Variants in KDM7A observed in about 807,000 individuals in gnomAD.
KDM7A encodes lysine demethylase 7A, also known as lysine-specific demethylase 7A.
In KDM7A, 28 loss-of-function variants were observed where a neutral mutation model predicts 114.8. That is an observed-to-expected ratio of 0.24 (90% CI 0.18 to 0.33). The LOEUF (loss-of-function observed/expected upper bound fraction) is 0.33, where lower values mean the gene tolerates loss of function less well. KDM7A is among the 10% of genes least tolerant of loss of function. The pLI, the probability that KDM7A is intolerant of heterozygous loss-of-function variation, is 1.00. For missense variants in KDM7A, 942 were observed against 1,142.5 expected (o/e 0.82, Z 2.53); for synonymous variants, 423 against 397.8 (o/e 1.06, Z -0.75).
chr7:140,120,565 T>C (rs772988659), intron 7 of KDM7A, 36 bp from the exon 8 acceptor site: 14 of 1,247,968 alleles, frequency 1.1e-5, no homozygotes, highest in Non-Finnish European at 1.2e-6. Flanking sequence ...CAGTCATTTT[T>C]CAATATGTAA....
At position 140,085,195 on chromosome 7, in the gene KDM7A, A is replaced by G. The variant is rs1013333913; in HGVS notation, c.*5899T>C. On this transcript the variant is annotated 3_prime_UTR_variant, in exon 20 of 20. Coordinates refer to ENST00000397560, the MANE Select transcript of KDM7A (RefSeq NM_030647.2). ...ACACACATTGACTGCCTATACAAAC[A>G]AGACGAGACGCTATTCCGCAGACAC... is the stretch of plus-strand genomic sequence containing the variant. 3 of 151,598 alleles carry G rather than the reference A, an allele frequency of 2.0e-5. No individual in the cohort carries two copies. Among genetic ancestry groups the G allele is most frequent in the Non-Finnish European group, 4.4e-5 (3 of 67,930 alleles). The allele number at this position is 151,598 out of a possible 1,614,324, so 9.4% of individuals were successfully genotyped here.
chr7:140,165,131 CAAAACACAGGTTAG>C (rs1794560052), intron 1 of KDM7A, among the ~76,000 whole-genome samples: 1 of 152,136 alleles, frequency 6.6e-6, no homozygotes, highest in African/African-American at 2.4e-5. Flanking sequence ...CTGGGGTTCA[CAAAACACAGGTTAG>C]AAAATGCTGC....
intron 9 of KDM7A, among the ~76,000 whole-genome samples, chr7:140,118,475 CAATGCAACCTCT>C: frequency 6.6e-6 from 1 of 151,858 alleles, no homozygotes; most frequent in Middle Eastern, 3.4e-3. Context: ...GATCTCGGCT[CAATGCAACCTCT>C]GCCTCCCGCC....
intron 8 of KDM7A, among the ~76,000 whole-genome samples, chr7:140,119,812 G>A (rs1025956859): frequency 2.6e-5 from 4 of 152,210 alleles, no homozygotes; most frequent in African/African-American, 7.2e-5. Context: ...ATCTCTATGA[G>A]TGTGCCAAGT....
At chr7:140,112,504 G>A (rs577439946) in intron 10 of KDM7A, among the ~76,000 whole-genome samples, 44 of 152,026 alleles carry the variant, frequency 2.9e-4, no homozygotes, top group Admixed American at 2.0e-4. Flanking sequence ...CCAACTACTC[G>A]GGAGGCTGAG....
chr7:140,147,149 A>AG (rs1794347898), intron 1 of KDM7A, among the ~76,000 whole-genome samples: 1 of 146,694 alleles, frequency 6.8e-6, no homozygotes, highest in Non-Finnish European at 1.5e-5. Flanking sequence ...AAAGGGTAGG[A>AG]AAAAAAAAAA....
chr7:140,169,843 TTA>T (rs1474864861), intron 1 of KDM7A, among the ~76,000 whole-genome samples: 1 of 152,190 alleles, frequency 6.6e-6, no homozygotes, highest in Non-Finnish European at 1.5e-5. Flanking sequence ...TTTAAAAAGC[TTA>T]TGAGAGAACT....
chr7:140,175,610 C>T, intron 1 of KDM7A, among the ~76,000 whole-genome samples: 1 of 152,226 alleles, frequency 6.6e-6, no homozygotes, highest in African/African-American at 2.4e-5. Flanking sequence ...GAATCCCTCC[C>T]ACGCCGGAGT....
rs148582665 is a variant in KDM7A at position 140,159,295 on chromosome 7, C to T, written c.194+17449G>A. On this transcript the variant is annotated intron_variant, in intron 1 of 19. Coordinates refer to ENST00000397560, the MANE Select transcript of KDM7A (RefSeq NM_030647.2). ...CCGGGAGGTGGAGATTGCAGTGAGC[C>T]GAGTTCATGCCGCTGCACTCCAGCC... is the stretch of plus-strand genomic sequence containing the variant. 4.4e-3 allele frequency among the ~76,000 whole-genome samples: 662 copies of T among 151,988 alleles called. 6 individuals are homozygous for T. Among genetic ancestry groups the T allele is most frequent in the African/African-American group, 0.015 (611 of 41,458 alleles).
chr7:140,170,683 G>A (rs1794628847), intron 1 of KDM7A, among the ~76,000 whole-genome samples: 1 of 152,192 alleles, frequency 6.6e-6, no homozygotes. Context: ...ACAGTGCCTA[G>A]CACTTTGTAA....
chr7:140,109,680 G>C (rs532949328), intron 11 of KDM7A, among the ~76,000 whole-genome samples: 1 of 152,262 alleles, frequency 6.6e-6, no homozygotes, highest in South Asian at 2.1e-4. Flanking sequence ...ACTGTTTTCA[G>C]CTTCAGATAT....
rs1562941259 is a variant in KDM7A at position 140,086,039 on chromosome 7, GA to G, written c.*5054del. ...CTTGGAGGAAAACAGCTGACATTTT[GA>G]AAAAGAAATGGCCAAAATGAAACTG... On this transcript the variant is annotated 3_prime_UTR_variant, in exon 20 of 20. Transcript: ENST00000397560. The G allele has an allele frequency of 6.6e-6, 1 of 152,120 alleles. No individual in the cohort carries two copies. The highest frequency in any genetic ancestry group is 1.5e-5 in the Non-Finnish European group (1 of 68,002). The allele number at this position is 152,120 out of a possible 1,614,324, so 9.4% of individuals were successfully genotyped here.
intron 11 of KDM7A, 117 bp downstream of exon 11, chr7:140,110,978 A>G (rs921375698): frequency 9.0e-6 from 5 of 553,082 alleles, no homozygotes; most frequent in African/African-American, 5.7e-5. Context: ...GACTCAGCTC[A>G]TTATATTTCT....
chr7:140,128,679 G>T (rs756852430), intron 4 of KDM7A, among the ~76,000 whole-genome samples: 42 of 152,160 alleles, frequency 2.8e-4, no homozygotes, highest in Non-Finnish European at 1.0e-4. Flanking sequence ...TAATCAATGA[G>T]AATTGTCAAC....
At position 140,100,022 on chromosome 7, in the gene KDM7A, T is replaced by C; in HGVS notation, c.1640A>G (p.Asp547Gly). 2 of 1,614,116 alleles carry C rather than the reference T, an allele frequency of 1.2e-6. No individual in the cohort carries two copies. The highest frequency in any genetic ancestry group is 2.7e-5 in the African/African-American group (2 of 75,056). Residue 547 changes from aspartate (D) to glycine (G), a missense_variant and splice_region_variant, in exon 13 of 20, where the codon GAC (aspartate) becomes GGC (glycine). Around this residue, in one of 4 missense-constraint regions of KDM7A, gnomAD observed 512 missense variants for 576.6 expected, o/e 0.89. Coordinates refer to ENST00000397560, the MANE Select transcript of KDM7A (RefSeq NM_030647.2). Reference sequence around the variant, plus strand: ...TCCATTCAGTTTAGAGCTCAAGATGTCCTGAAGGTATAAATGCAGAACTTA... The same window carrying C: ...TCCATTCAGTTTAGAGCTCAAGATGCCCTGAAGGTATAAATGCAGAACTTA... ...KRLEMCPWEE[D>G]ILSSKLNGKF...
intron 9 of KDM7A, among the ~76,000 whole-genome samples, chr7:140,115,818 A>C (rs956299000): frequency 1.6e-5 from 2 of 126,556 alleles, no homozygotes; most frequent in Non-Finnish European, 3.4e-5. Context: ...AAAAATAAAT[A>C]AATAAAAAAA....
At position 140,091,196 on chromosome 7, in the gene KDM7A, A is replaced by G; in HGVS notation, c.2732-8T>C. The G allele has an allele frequency of 6.3e-7, 1 of 1,583,852 alleles. No individual in the cohort carries two copies. Among genetic ancestry groups the G allele is most frequent in the Non-Finnish European group, 8.7e-7 (1 of 1,152,290 alleles). ...CTTTTTTTGGACGTTTACCTATAAAACACCAAAAGGGAGTGTAAGTAATGA... is the reference window on the plus strand; with the variant it reads ...CTTTTTTTGGACGTTTACCTATAAAGCACCAAAAGGGAGTGTAAGTAATGA... On this transcript the variant is annotated splice_region_variant and splice_polypyrimidine_tract_variant and intron_variant, in intron 19 of 19. Transcript: ENST00000397560.
chr7:140,173,436 C>T (rs961152864), intron 1 of KDM7A, among the ~76,000 whole-genome samples: 1 of 152,288 alleles, frequency 6.6e-6, no homozygotes, highest in East Asian at 1.9e-4. Context: ...ACAGGTCTTC[C>T]TTCCCTGTCA....
intron 1 of KDM7A, among the ~76,000 whole-genome samples, chr7:140,160,085 A>G (rs1246926527): frequency 2.6e-5 from 4 of 152,166 alleles, no homozygotes; most frequent in African/African-American, 9.7e-5. Flanking sequence ...TCTTACACCT[A>G]TTAAAATGTA....
Sources: gnomAD v4.1 joint callset for allele counts (sites outside exome capture counted in the v4.1 genomes callset) on GRCh38, gnomAD v4.1.1 for gene constraint, gnomAD v4.1.1 regional missense constraint, MANE v1.5 for transcripts, NCBI Gene and HGNC (gene_info 2026-07-23, HGNC 2026-07-21) for gene names.